PAPPA: variants seen among roughly 807,000 people sequenced by gnomAD.
The protein encoded by PAPPA is pappalysin-1.
In PAPPA, 60 loss-of-function variants were observed where a neutral mutation model predicts 164.0. The observed-to-expected ratio is 0.37, with a 90% confidence interval of 0.30 to 0.45. The LOEUF (loss-of-function observed/expected upper bound fraction) is 0.45. Among genes scored for constraint, PAPPA ranks in the 20% least tolerant of loss-of-function variants. The pLI is 1.00. For synonymous variants in PAPPA, 875 were observed against 814.1 expected (o/e 1.07, Z -1.27); for missense variants, 1,782 against 2,087.3 (o/e 0.85, Z 2.85).
chr9:116,190,097 G>A (rs1049011583), intron 2 of PAPPA, among the ~76,000 whole-genome samples: 1 of 152,202 alleles, frequency 6.6e-6, no homozygotes, highest in Non-Finnish European at 1.5e-5. Flanking sequence ...CAACACAGAG[G>A]TTAACATTCA....
At position 116,396,758 on chromosome 9, in the gene PAPPA, C is replaced by A; in HGVS notation, c.*142C>A. The A allele has an allele frequency of 1.6e-6, 1 of 609,166 alleles. No homozygotes were observed. Among genetic ancestry groups the A allele is most frequent in the South Asian group, 2.0e-5 (1 of 49,756 alleles). 37.7% of individuals were successfully genotyped at this position (609,166 alleles called of 1,614,324 possible). A position where few individuals can be genotyped will look rare whatever the true frequency, so the allele number is the denominator to read the frequency against. Reference sequence around the variant, plus strand: ...CCAACCGGTCTGCCTTTAATTTTACCCAGGAAGGACTCACATTGGGGCGAA... The same window carrying A: ...CCAACCGGTCTGCCTTTAATTTTACACAGGAAGGACTCACATTGGGGCGAA... On this transcript the variant is annotated 3_prime_UTR_variant, in exon 22 of 22. Coordinates refer to ENST00000328252, the MANE Select transcript of PAPPA (RefSeq NM_002581.5).
intron 6 of PAPPA, 115 bp downstream of exon 6, chr9:116,227,667 A>G (rs899722610): frequency 2.7e-6 from 3 of 1,124,244 alleles, no homozygotes; most frequent in Non-Finnish European, 3.7e-6. Flanking sequence ...ATTTCATTTG[A>G]GTAACATCAT....
At chr9:116,199,857 C>A (rs1296422897) in intron 2 of PAPPA, among the ~76,000 whole-genome samples, 2 of 152,044 alleles carry the variant, frequency 1.3e-5, no homozygotes, top group Non-Finnish European at 2.9e-5. Flanking sequence ...CCAGCATATG[C>A]AGAAATCACA....
At chr9:116,377,175 C>T (rs1002582208) in intron 19 of PAPPA, among the ~76,000 whole-genome samples, 10 of 151,774 alleles carry the variant, frequency 6.6e-5, no homozygotes, top group Admixed American at 4.6e-4. Context: ...CATGTATGCA[C>T]ACATACACAC....
intron 9 of PAPPA, among the ~76,000 whole-genome samples, chr9:116,283,605 C>T (rs1196644835): frequency 6.6e-6 from 1 of 152,140 alleles, no homozygotes; most frequent in Non-Finnish European, 1.5e-5. Flanking sequence ...ATACTCTTGG[C>T]AAACTGACCC....
chr9:116,356,184 G>C (rs1285007840), intron 17 of PAPPA, among the ~76,000 whole-genome samples: 3 of 152,186 alleles, frequency 2.0e-5, no homozygotes, highest in Non-Finnish European at 4.4e-5. Context: ...TATGACACTG[G>C]ATCTGTAGTT....
At chr9:116,366,034 T>C (rs1846496638) in intron 18 of PAPPA, among the ~76,000 whole-genome samples, 1 of 152,146 alleles carries the variant, frequency 6.6e-6, no homozygotes, top group Non-Finnish European at 1.5e-5. Context: ...ATATGTATAT[T>C]TGGAAGGGGG....
intron 18 of PAPPA, among the ~76,000 whole-genome samples, chr9:116,367,255 G>A (rs571628307): frequency 2.0e-5 from 3 of 152,346 alleles, no homozygotes; most frequent in East Asian, 3.9e-4. Context: ...AGTTCAGTCC[G>A]GTTGAACCAA....
At chr9:116,213,508 C>T (rs1392999638) in intron 4 of PAPPA, among the ~76,000 whole-genome samples, 1 of 152,126 alleles carries the variant, frequency 6.6e-6, no homozygotes, top group Non-Finnish European at 1.5e-5. Context: ...ATCCGGTGCC[C>T]CATCCCCTCA....
intron 4 of PAPPA, among the ~76,000 whole-genome samples, chr9:116,213,258 C>T (rs1294015275): frequency 1.3e-5 from 2 of 152,176 alleles, no homozygotes; most frequent in Admixed American, 6.5e-5. Context: ...GCTGCTGGAA[C>T]CCAAAGGTTT....
intron 13 of PAPPA, among the ~76,000 whole-genome samples, chr9:116,339,855 T>A (rs1846111287): frequency 6.6e-6 from 1 of 152,230 alleles, no homozygotes; most frequent in Non-Finnish European, 1.5e-5. Flanking sequence ...GTGACTGGAA[T>A]CCATTCTTAT....
intron 9 of PAPPA, among the ~76,000 whole-genome samples, chr9:116,300,917 G>C (rs1405016437): frequency 6.6e-6 from 1 of 151,874 alleles, no homozygotes; most frequent in Admixed American, 6.6e-5. Context: ...TTTCCTATTA[G>C]AGTTCTATGG....
At chr9:116,195,493 C>T (rs906403127) in intron 2 of PAPPA, among the ~76,000 whole-genome samples, 2 of 152,198 alleles carry the variant, frequency 1.3e-5, no homozygotes, top group Non-Finnish European at 2.9e-5. Context: ...ACAGTCAAGT[C>T]ATTTAACAGT....
chr9:116,240,518 TG>T (rs1432259761), intron 7 of PAPPA, among the ~76,000 whole-genome samples: 2 of 152,178 alleles, frequency 1.3e-5, no homozygotes, highest in Non-Finnish European at 1.5e-5. Flanking sequence ...GTTCTTTAAA[TG>T]GTTCTGGAAT....
chr9:116,266,211 T>C (rs112230444), intron 8 of PAPPA, among the ~76,000 whole-genome samples: 38 of 152,338 alleles, frequency 2.5e-4, no homozygotes, highest in Middle Eastern at 3.4e-3. Context: ...TAATACAATA[T>C]ATGATTTAGA....
chr9:116,357,345 G>A (rs767294796), intron 17 of PAPPA, among the ~76,000 whole-genome samples: 1 of 152,190 alleles, frequency 6.6e-6, no homozygotes, highest in Admixed American at 6.5e-5. Context: ...CGGTATTCTC[G>A]TCTCTTTAAA....
intron 7 of PAPPA, among the ~76,000 whole-genome samples, chr9:116,244,934 A>G (rs937933528): frequency 6.6e-6 from 1 of 152,188 alleles, no homozygotes; most frequent in Non-Finnish European, 1.5e-5. Flanking sequence ...GGATGATGGG[A>G]TAAAGAAAAC....
chr9:116,219,711 A>G (rs1261593251), intron 4 of PAPPA, among the ~76,000 whole-genome samples: 2 of 152,058 alleles, frequency 1.3e-5, no homozygotes, highest in Non-Finnish European at 2.9e-5. Flanking sequence ...TTTCAGTTAC[A>G]TCCACCCTTC....
rs761349921 is a variant in PAPPA at position 116,362,640 on chromosome 9, G to A, written c.4396G>A (p.Gly1466Ser). Residue 1466 changes from glycine (G) to serine (S), a missense_variant, in exon 18 of 22, where the codon GGC (glycine) becomes AGC (serine). Around this residue, in one of 2 missense-constraint regions of PAPPA, gnomAD observed 1,324 missense variants for 1,656.9 expected, o/e 0.80. Transcript: ENST00000328252. ...IHCRKDGTWN[G>S]SFHVCQEMQG... is the part of the protein sequence containing the mutation. ...TTGCCGGAAAGATGGCACCTGGAAC[G>A]GCTCCTTCCATGTCTGCCAGGAGAT... 33 of 1,614,084 alleles carry A rather than the reference G, an allele frequency of 2.0e-5. No individual in the cohort carries two copies. The highest frequency in any genetic ancestry group is 2.5e-5 in the Non-Finnish European group (29 of 1,179,982).
Sources: allele counts gnomAD v4.1 joint callset (sites outside exome capture counted in the v4.1 genomes callset), GRCh38; gene constraint gnomAD v4.1.1; regional missense constraint gnomAD v4.1.1; transcripts MANE v1.5; gene names NCBI Gene and HGNC (gene_info 2026-07-23, HGNC 2026-07-21).